BTNL3: variants seen among roughly 807,000 people sequenced by gnomAD.
The protein encoded by BTNL3 is butyrophilin-like protein 3.
BTNL3 carries 20 observed loss-of-function variants against 40.1 expected under a neutral mutation model. The ratio of observed to expected loss-of-function variants is 0.50; its 90% CI spans 0.35 to 0.72. The LOEUF is 0.72. BTNL3 is among the 30% of genes least tolerant of loss of function. The pLI is 0.01. For synonymous variants in BTNL3, 179 were observed against 222.1 expected, an observed-to-expected ratio of 0.81 and a Z score of 1.73; for missense variants, 449 against 582.2, an observed-to-expected ratio of 0.77 and a Z score of 2.35.
chr5:180,993,698 A>T (rs1423173842), intron 2 of BTNL3, among the ~76,000 whole-genome samples: 1 of 137,388 alleles, frequency 7.3e-6, no homozygotes, highest in African/African-American at 2.5e-5. Context: ...CCACAATTTA[A>T]AAATAACATT....
chr5:180,997,431 T>C lies in BTNL3; in HGVS notation c.616T>C (p.Cys206Arg). 2.7e-6 allele frequency: 4 copies of C among 1,463,360 alleles called. 1 individual carries two copies. The South Asian group carries it at 3.4e-5, about 12-fold the overall frequency. 90.6% of individuals were successfully genotyped at this position (1,463,360 alleles called of 1,614,324 possible). The change falls in exon 3 of 8, where the codon TGT becomes CGT. Residue 206 changes from cysteine to arginine, a missense_variant. Physicochemically the swap from Cys to Arg is radical, Grantham distance 180. Coordinates refer to ENST00000342868, the MANE Select transcript of BTNL3 (RefSeq NM_197975.3). ...IVQENAGSIL[C>R]SIHLAEQSHE... The stretch of plus-strand genomic sequence containing the variant: ...CCAGGAAAATGCTGGGAGCATATTG[T>C]GTTCCATCCACCTTGCTGAGCAGAG...
chr5:181,006,430 G>C lies in BTNL3; in HGVS notation c.*558G>C, dbSNP rs1760233124. The C allele has an allele frequency of 6.4e-6, 1 of 156,690 alleles. No homozygotes were observed. The highest frequency in any genetic ancestry group is 1.4e-5 in the Non-Finnish European group (1 of 71,328). 9.7% of individuals were successfully genotyped at this position (156,690 alleles called of 1,614,324 possible). On this transcript the variant is annotated 3_prime_UTR_variant, in exon 8 of 8. Transcript: ENST00000342868. ...AGTTATTGAACACCTGCTTTGTGAG[G>C]CTCAAAGAATAAAGAGGAGGTAGGA...
At chr5:181,001,844 CAACAA>C (rs111642156) in intron 3 of BTNL3, among the ~76,000 whole-genome samples, 77,518 of 120,384 alleles carry the variant, frequency 0.64, 31,408 homozygotes, top group African/African-American at 0.92. Flanking sequence ...GACTCTGTCT[CAACAA>C]AACAAAACAA....
intron 2 of BTNL3, among the ~76,000 whole-genome samples, 183 bp from the exon 3 acceptor site, chr5:180,997,030 G>A (rs559340292): frequency 1.5e-5 from 2 of 135,078 alleles, no homozygotes; most frequent in South Asian, 4.4e-4. Context: ...GTGTGTGTAA[G>A]AGAGAGAGAG....
At position 180,992,132 on chromosome 5, in the gene BTNL3, A is replaced by G. The variant is rs1263668003; in HGVS notation, c.50-681A>G. ...GTAAAATGTAGGTGTCATGGAAAAG[A>G]TATGTCACAACATCAGTGCACTAAA... On this transcript the variant is annotated intron_variant, in intron 1 of 7. Transcript: ENST00000342868. Among the ~76,000 whole-genome samples, 2 of 136,912 alleles carry G rather than the reference A, an allele frequency of 1.5e-5. 1 individual carries two copies. Among genetic ancestry groups the G allele is most frequent in the Non-Finnish European group, 3.3e-5 (2 of 59,908 alleles). The allele number at this position is 136,912 out of a possible 152,430, so 89.8% of individuals were successfully genotyped here.
chr5:180,993,264 T>C, intron 2 of BTNL3, 104 bp downstream of exon 2: 1 of 1,322,612 alleles, frequency 7.6e-7, no homozygotes, highest in Non-Finnish European at 1.0e-6. Flanking sequence ...TTCCAGATTC[T>C]GACATGATGT....
Position 181,000,535 on chromosome 5 carries a change from G to A in BTNL3, c.674-2137G>A, listed in dbSNP as rs1055770684. ...TAAAATCATAACATAGGCCGGGCGCGGTGGCTCACGCCTGTAATCCCAGCA... is the reference window on the plus strand; with the variant it reads ...TAAAATCATAACATAGGCCGGGCGCAGTGGCTCACGCCTGTAATCCCAGCA... On this transcript the variant is annotated intron_variant, in intron 3 of 7. Coordinates refer to ENST00000342868, the MANE Select transcript of BTNL3 (RefSeq NM_197975.3). Among the ~76,000 whole-genome samples the A allele has an allele frequency of 5.1e-5, 7 of 136,578 alleles. 2 individuals carry two copies. Among genetic ancestry groups the A allele is most frequent in the African/African-American group, 1.8e-4 (7 of 39,876 alleles). The allele number at this position is 136,578 out of a possible 152,430, so 89.6% of individuals were successfully genotyped here.
intron 1 of BTNL3, 58 bp downstream of exon 1, chr5:180,989,135 A>G (rs999424203): frequency 7.2e-7 from 1 of 1,385,206 alleles, no homozygotes; most frequent in East Asian, 2.7e-5. Context: ...TTTTGAGTTC[A>G]TTCATGACAA....
rs1440992982 is a variant in BTNL3 at position 181,005,873 on chromosome 5, G to C, written c.*1G>C. On this transcript the variant is annotated 3_prime_UTR_variant, in exon 8 of 8. Transcript: ENST00000342868. ...CATATGTCCAGTGTCCTGGGGATGA[G>C]ACAGAGAAGACCCTGCTTAAAGGGC... 1 of 1,589,668 alleles carries C rather than the reference G, an allele frequency of 6.3e-7. No individual in the cohort carries two copies. The highest frequency in any genetic ancestry group is 2.2e-5 in the East Asian group (1 of 44,760).
Position 181,000,814 on chromosome 5 carries a change from AAAAAAAATAAAATAAAAT to A in BTNL3, c.674-1835_674-1818del, listed in dbSNP as rs1241560261. On this transcript the variant is annotated intron_variant, in intron 3 of 7. Transcript: ENST00000342868. ...GGCGACAGAGCGAGACTCCGTCTCA[AAAAAAAATAAAATAAAAT>A]AAAAAAATAAAATAAAATAAAATAA... Among the ~76,000 whole-genome samples, 13 of 135,298 alleles carry A rather than the reference AAAAAAAATAAAATAAAAT, an allele frequency of 9.6e-5. 2 individuals carry two copies. Among genetic ancestry groups the A allele is most frequent in the Admixed American group, 3.1e-4 (4 of 12,744 alleles). 88.8% of individuals were successfully genotyped at this position (135,298 alleles called of 152,430 possible). A position where few individuals can be genotyped will look rare whatever the true frequency, so the allele number is the denominator to read the frequency against.
At position 180,989,767 on chromosome 5, in the gene BTNL3, G is replaced by C. The variant is rs1158830452; in HGVS notation, c.49+690G>C. ...TAAGCCACAAAAAGTTCATTTGACT[G>C]TGTTCACTTTCTGTCTGGAACAGTT... On this transcript the variant is annotated intron_variant, in intron 1 of 7. Transcript: ENST00000342868. 5.1e-5 allele frequency among the ~76,000 whole-genome samples: 7 copies of C among 136,668 alleles called. 1 individual carries two copies. In the South Asian group the frequency reaches 1.1e-3, roughly 21 times the overall value. 89.7% of individuals were successfully genotyped at this position (136,668 alleles called of 152,430 possible). A position where few individuals can be genotyped will look rare whatever the true frequency, so the allele number is the denominator to read the frequency against.
chr5:180,994,822 G>A lies in BTNL3; in HGVS notation c.397+1662G>A, dbSNP rs1334832413. ...TTATGAGATGGAGTCTCGCTCTGTCGCCCAGGCTGGATAGAGTGCAGTGGT... is the reference window on the plus strand; with the variant it reads ...TTATGAGATGGAGTCTCGCTCTGTCACCCAGGCTGGATAGAGTGCAGTGGT... On this transcript the variant is annotated intron_variant, in intron 2 of 7. Transcript: ENST00000342868. Among the ~76,000 whole-genome samples, 17 of 128,130 alleles carry A rather than the reference G, an allele frequency of 1.3e-4. 4 individuals carry two copies. Among genetic ancestry groups the A allele is most frequent in the South Asian group, 1.2e-3 (5 of 4,312 alleles). The allele number at this position is 128,130 out of a possible 152,430, so 84.1% of individuals were successfully genotyped here. A position where few individuals can be genotyped will look rare whatever the true frequency, so the allele number is the denominator to read the frequency against.
chr5:180,997,616 A>T (rs537235087), intron 3 of BTNL3, 128 bp downstream of exon 3: 1 of 1,288,770 alleles, frequency 7.8e-7, no homozygotes, highest in African/African-American at 1.4e-5. Flanking sequence ...AGAGTCAAAG[A>T]TTGATGAGGT....
In BTNL3 at chr5:181,005,616, T is replaced by G; in HGVS notation, c.1145T>G (p.Leu382Arg). 1 of 1,614,028 alleles carries G rather than the reference T, an allele frequency of 6.2e-7. No homozygotes were observed. The highest frequency in any genetic ancestry group is 8.5e-7 in the Non-Finnish European group (1 of 1,179,990). ...SPNNGYWVLR[L>R]TTEHLYFTFN... ...AACAATGGGTATTGGGTCCTCAGACTGACAACAGAACATTTGTATTTCACA... is the reference window on the plus strand; with the variant it reads ...AACAATGGGTATTGGGTCCTCAGACGGACAACAGAACATTTGTATTTCACA... Residue 382 changes from leucine (L) to arginine (R), a missense_variant, in exon 8 of 8, where the codon CTG becomes CGG. By Grantham distance (102) the Leu-to-Arg change is moderately radical. Transcript: ENST00000342868.
chr5:180,997,103 A>C, intron 2 of BTNL3, 110 bp from the exon 3 acceptor site: 1 of 1,331,742 alleles, frequency 7.5e-7, no homozygotes, highest in South Asian at 1.2e-5. Flanking sequence ...AGAGAGAGAG[A>C]GAGAAAAGGA....
intron 3 of BTNL3, among the ~76,000 whole-genome samples, chr5:181,000,945 A>G (rs1760100789): frequency 7.3e-6 from 1 of 136,990 alleles, no homozygotes; most frequent in Non-Finnish European, 1.7e-5. Flanking sequence ...TCAATAAGGG[A>G]AGAAAATGTA....
In BTNL3 at chr5:181,001,499, A is replaced by AT. The variant is rs1760107468; in HGVS notation, c.674-1172dup. ...TTTTTAATTTTAAATATTTTTATAG[A>AT]TGGGGGGGGGTCTCACTTTGTTGCC... On this transcript the variant is annotated intron_variant, in intron 3 of 7. Coordinates refer to ENST00000342868, the MANE Select transcript of BTNL3 (RefSeq NM_197975.3). Among the ~76,000 whole-genome samples, 2 of 83,262 alleles carry AT rather than the reference A, an allele frequency of 2.4e-5. 1 individual carries two copies. The highest frequency in any genetic ancestry group is 5.1e-5 in the Non-Finnish European group (2 of 39,486). The allele number at this position is 83,262 out of a possible 152,430, so 54.6% of individuals were successfully genotyped here.
At position 181,005,778 on chromosome 5, in the gene BTNL3, A is replaced by G. The variant is rs1476423468; in HGVS notation, c.1307A>G (p.Gln436Arg). 1.2e-6 allele frequency: 2 copies of G among 1,614,116 alleles called. No individual in the cohort carries two copies. Among genetic ancestry groups the G allele is most frequent in the East Asian group, 2.2e-5 (1 of 44,864 alleles). ...QSLIYTLLTCQFEGLLRPYIQ... is the reference protein window; with the variant it reads ...QSLIYTLLTCRFEGLLRPYIQ... ...CTTATTTATACCCTGCTGACATGTC[A>G]GTTTGAAGGCTTGTTGAGACCCTAT... The change falls in exon 8 of 8, where the codon CAG (glutamine) becomes CGG (arginine). Residue 436 changes from glutamine (Q) to arginine (R), a missense_variant. By Grantham distance (43) the Gln-to-Arg change is conservative. Around this residue, in one of 2 missense-constraint regions of BTNL3, gnomAD observed 126 missense variants for 117.2 expected, o/e 1.07. Coordinates refer to ENST00000342868, the MANE Select transcript of BTNL3 (RefSeq NM_197975.3).
intron 5 of BTNL3, 44 bp downstream of exon 5, chr5:181,003,920 T>C (rs1760166967): frequency 6.2e-7 from 1 of 1,613,720 alleles, no homozygotes; most frequent in South Asian, 1.1e-5. Flanking sequence ...TTCTCCCGGG[T>C]CCCTCCCTGA....
Sources: allele counts gnomAD v4.1 joint callset (sites outside exome capture counted in the v4.1 genomes callset), GRCh38; gene constraint gnomAD v4.1.1; regional missense constraint gnomAD v4.1.1; transcripts MANE v1.5; gene names NCBI Gene and HGNC (gene_info 2026-07-23, HGNC 2026-07-21).